Variants in TLN2 observed in about 807,000 individuals in gnomAD.
The protein encoded by TLN2 is talin-2.
Under a neutral mutation model 294.7 loss-of-function variants are expected in TLN2, and 118 were observed. The ratio of observed to expected loss-of-function variants is 0.40; its 90% CI spans 0.34 to 0.47. TLN2 has a LOEUF of 0.47. TLN2 is among the 20% of genes least tolerant of loss of function. The pLI is 0.84. For missense variants in TLN2, 3,083 were observed against 3,282.2 expected (o/e 0.94, Z 1.48); for synonymous variants, 1,431 against 1,304.5 (o/e 1.10, Z -2.09).
intron 1 of TLN2, among the ~76,000 whole-genome samples, chr15:62,394,755 G>A (rs530631366): frequency 3.9e-5 from 6 of 152,342 alleles, no homozygotes; most frequent in African/African-American, 1.4e-4. Flanking sequence ...CCTCTCTTGT[G>A]TGTTGACCAC....
chr15:62,741,680 C>T (rs1417936994), intron 32 of TLN2, among the ~76,000 whole-genome samples: 1 of 148,820 alleles, frequency 6.7e-6, no homozygotes, highest in Non-Finnish European at 1.5e-5. Flanking sequence ...TGTGCAGATT[C>T]GTGATTTTTG....
intron 22 of TLN2, among the ~76,000 whole-genome samples, chr15:62,713,313 C>G (rs1243319841): frequency 6.7e-6 from 1 of 149,754 alleles, no homozygotes; most frequent in Non-Finnish European, 1.5e-5. Flanking sequence ...CATTAAGTGT[C>G]TCCACATCTT....
intron 52 of TLN2, among the ~76,000 whole-genome samples, chr15:62,815,783 A>T (rs2067062782): frequency 6.6e-6 from 1 of 152,238 alleles, no homozygotes; most frequent in South Asian, 2.1e-4. Context: ...TCTATGATTG[A>T]CTAATTTTGT....
chr15:62,714,242 A>G (rs62004608), intron 22 of TLN2, among the ~76,000 whole-genome samples: 2 of 114,196 alleles, frequency 1.8e-5, no homozygotes, highest in Non-Finnish European at 1.6e-5. Context: ...TCACTCTGTC[A>G]CCCAGGCTGG....
At chr15:62,618,545 A>C (rs1178541287) in intron 3 of TLN2, 70 bp downstream of exon 3, 1 of 152,168 alleles carries the variant, frequency 6.6e-6, no homozygotes, top group African/African-American at 2.4e-5. Flanking sequence ...ACAGATTTCC[A>C]CTAAAGCTCT....
rs769379857 is a variant in TLN2 at position 62,752,336 on chromosome 15, A to G, written c.4241A>G (p.Gln1414Arg). 6.8e-6 allele frequency: 11 copies of G among 1,614,050 alleles called. No individual in the cohort carries two copies. Among genetic ancestry groups the G allele is most frequent in the African/African-American group, 2.7e-5 (2 of 74,918 alleles). Residue 1414 changes from glutamine to arginine, a missense_variant, in exon 35 of 59, where the codon CAG becomes CGG. By Grantham distance (43) the Gln-to-Arg change is conservative. Transcript: ENST00000636159. ...VLGESMAGIS[Q>R]NAKTGDLPAF... The stretch of plus-strand genomic sequence containing the variant: ...GGTGAATCGATGGCAGGGATTTCAC[A>G]GAATGCCAAGACCGGAGACCTCCCT...
chr15:62,804,894 C>T (rs879625722), intron 50 of TLN2, among the ~76,000 whole-genome samples: 8 of 151,522 alleles, frequency 5.3e-5, no homozygotes, highest in Non-Finnish European at 1.2e-4. Context: ...GCACATTCAG[C>T]ACATACCCAG....
chr15:62,658,332 T>C (rs2053452639), intron 9 of TLN2, among the ~76,000 whole-genome samples: 1 of 152,144 alleles, frequency 6.6e-6, no homozygotes, highest in Non-Finnish European at 1.5e-5. Context: ...TTGTATTGTT[T>C]CAAGTGTATT....
At chr15:62,473,509 G>A (rs2037608851) in intron 1 of TLN2, among the ~76,000 whole-genome samples, 1 of 152,034 alleles carries the variant, frequency 6.6e-6, no homozygotes, top group South Asian at 2.1e-4. Flanking sequence ...TTTGCTTTTC[G>A]TAGTTGCACT....
intron 11 of TLN2, among the ~76,000 whole-genome samples, chr15:62,680,685 C>T (rs2056747543): frequency 6.6e-6 from 1 of 151,796 alleles, no homozygotes; most frequent in African/African-American, 2.4e-5. Flanking sequence ...GTCACCCAAG[C>T]AGTGTACATT....
At chr15:62,708,411 G>A (rs1345075357) in intron 20 of TLN2, 91 bp from the exon 21 acceptor site, 3 of 1,374,254 alleles carry the variant, frequency 2.2e-6, no homozygotes, top group Non-Finnish European at 3.0e-6. Flanking sequence ...GAGGCCCAGA[G>A]CAGGAAGGGC....
chr15:62,406,368 T>C lies in TLN2; in HGVS notation c.-238+15683T>C, dbSNP rs115169813. Among the ~76,000 whole-genome samples, 1,152 of 152,294 alleles carry C rather than the reference T, an allele frequency of 7.6e-3. 13 individuals are homozygous for C. The highest frequency in any genetic ancestry group is 0.027 in the African/African-American group (1,109 of 41,558). ...GGCTTAGTCCATGAGGGTTCTTGGC[T>C]TTGCCCAGGAAAGAATTCAAGGGCC... On this transcript the variant is annotated intron_variant, in intron 1 of 58. Transcript: ENST00000636159.
intron 1 of TLN2, among the ~76,000 whole-genome samples, chr15:62,536,008 C>T (rs1204606010): frequency 6.6e-6 from 1 of 152,170 alleles, no homozygotes; most frequent in African/African-American, 2.4e-5. Flanking sequence ...TGGAGTTTTG[C>T]TCCTTGGAAT....
At chr15:62,647,629 C>T (rs751602502) in intron 4 of TLN2, among the ~76,000 whole-genome samples, 183 bp downstream of exon 4, 7 of 152,198 alleles carry the variant, frequency 4.6e-5, no homozygotes, top group Non-Finnish European at 8.8e-5. Context: ...AGTGACCATG[C>T]CCACTGCTGA....
chr15:62,400,501 T>G (rs1404236691), intron 1 of TLN2, among the ~76,000 whole-genome samples: 1 of 152,242 alleles, frequency 6.6e-6, no homozygotes, highest in Non-Finnish European at 1.5e-5. Context: ...TCATCAGCAG[T>G]GAAAGTGAGA....
chr15:62,801,226 C>T (rs891736158), intron 50 of TLN2, among the ~76,000 whole-genome samples: 1 of 152,196 alleles, frequency 6.6e-6, no homozygotes, highest in Non-Finnish European at 1.5e-5. Flanking sequence ...ACCTGAGACA[C>T]TTCCCTTTAA....
At chr15:62,815,254 C>G (rs2067026195) in intron 52 of TLN2, among the ~76,000 whole-genome samples, 1 of 150,388 alleles carries the variant, frequency 6.6e-6, no homozygotes, top group African/African-American at 2.4e-5. Flanking sequence ...GCCCTTCACT[C>G]TGTTCTTTGG....
intron 50 of TLN2, among the ~76,000 whole-genome samples, chr15:62,803,991 C>T (rs576130075): frequency 3.3e-5 from 5 of 152,110 alleles, no homozygotes; most frequent in Admixed American, 3.3e-4. Flanking sequence ...GTATCTGCAT[C>T]GGGGGGCACA....
At chr15:62,759,594 C>A (rs1426421946) in intron 37 of TLN2, among the ~76,000 whole-genome samples, 1 of 152,152 alleles carries the variant, frequency 6.6e-6, no homozygotes, top group African/African-American at 2.4e-5. Flanking sequence ...TGCCCTTCTT[C>A]CCAATAGACT....
Sources: allele counts gnomAD v4.1 joint callset (sites outside exome capture counted in the v4.1 genomes callset), GRCh38; gene constraint gnomAD v4.1.1; transcripts MANE v1.5; gene names NCBI Gene and HGNC (gene_info 2026-07-23, HGNC 2026-07-21).